Variants in NFE2L2 observed in about 807,000 individuals in gnomAD.
NFE2L2 encodes the protein NFE2 like bZIP transcription factor 2.
Under a neutral mutation model 49.6 loss-of-function variants are expected in NFE2L2, and 20 were observed. The observed-to-expected ratio is 0.40, with a 90% CI of 0.28 to 0.59. The LOEUF is 0.59. NFE2L2 is among the 20% of genes least tolerant of loss of function. The pLI, the probability that NFE2L2 is intolerant of heterozygous loss-of-function variation, is 0.40. For missense variants in NFE2L2, 578 were observed against 714.2 expected, an observed-to-expected ratio of 0.81 and a Z score of 2.17; for synonymous variants, 244 against 256.5, an observed-to-expected ratio of 0.95 and a Z score of 0.47.
At chr2:177,241,332 T>C (rs1390173412) in intron 1 of NFE2L2, among the ~76,000 whole-genome samples, 1 of 152,204 alleles carries the variant, frequency 6.6e-6, no homozygotes, top group Non-Finnish European at 1.5e-5. Flanking sequence ...TTACACTTGA[T>C]TATATTTTTC....
chr2:177,237,412 T>A (rs1464121292), intron 1 of NFE2L2, among the ~76,000 whole-genome samples: 3 of 152,238 alleles, frequency 2.0e-5, no homozygotes, highest in Admixed American at 6.5e-5. Flanking sequence ...AAAATAGGTA[T>A]GAGAATAATT....
At chr2:177,256,499 CAAAAAAA>C (rs35073132) in intron 1 of NFE2L2, among the ~76,000 whole-genome samples, 29 of 75,094 alleles carry the variant, frequency 3.9e-4, no homozygotes, top group African/African-American at 1.2e-3. Context: ...TACATTCTTG[CAAAAAAA>C]AAAAAAAAAA....
intron 1 of NFE2L2, among the ~76,000 whole-genome samples, chr2:177,236,093 G>A (rs896384947): frequency 1.3e-5 from 2 of 152,232 alleles, no homozygotes; most frequent in Admixed American, 6.5e-5. Flanking sequence ...GTGTAGACAC[G>A]TCACACTTTG....
At chr2:177,259,729 G>A (rs924471548) in intron 1 of NFE2L2, among the ~76,000 whole-genome samples, 6 of 152,042 alleles carry the variant, frequency 3.9e-5, no homozygotes, top group South Asian at 2.1e-4. Context: ...TCAGGAGATC[G>A]AGATCATCCT....
intron 1 of NFE2L2, among the ~76,000 whole-genome samples, chr2:177,245,140 T>C (rs1468688688): frequency 2.0e-5 from 3 of 152,036 alleles, no homozygotes; most frequent in Admixed American, 6.6e-5. Flanking sequence ...AGGAAAATTC[T>C]CATACATAAA....
intron 1 of NFE2L2, among the ~76,000 whole-genome samples, chr2:177,261,186 CA>C (rs1690725597): frequency 9.9e-6 from 1 of 100,542 alleles, no homozygotes; most frequent in Non-Finnish European, 2.2e-5. Flanking sequence ...AAAAAAAAAA[CA>C]AAAAACAAAA....
At chr2:177,263,985 G>A in intron 1 of NFE2L2, 3 of 977,270 alleles carry the variant, frequency 3.1e-6, no homozygotes, top group Non-Finnish European at 3.6e-6. Flanking sequence ...GCGCGTCGCA[G>A]CCCGCACTCA....
intron 1 of NFE2L2, among the ~76,000 whole-genome samples, chr2:177,236,715 GC>G (rs1343163904): frequency 6.6e-6 from 1 of 152,102 alleles, no homozygotes; most frequent in Non-Finnish European, 1.5e-5. Flanking sequence ...AATAACCTAT[GC>G]ATATCCCTTT....
chr2:177,256,715 C>G (rs1196052069), intron 1 of NFE2L2, among the ~76,000 whole-genome samples: 2 of 152,146 alleles, frequency 1.3e-5, no homozygotes, highest in Non-Finnish European at 2.9e-5. Context: ...ATTAGAAAAG[C>G]ATGCTTCCAG....
chr2:177,232,273 T>C (rs1689580507), intron 4 of NFE2L2, 119 bp downstream of exon 4: 1 of 1,066,892 alleles, frequency 9.4e-7, no homozygotes, highest in Non-Finnish European at 1.3e-6. Flanking sequence ...GCAGTACTCA[T>C]GACTAAGTTA....
At chr2:177,247,089 T>C (rs1306942216) in intron 1 of NFE2L2, among the ~76,000 whole-genome samples, 1 of 152,180 alleles carries the variant, frequency 6.6e-6, no homozygotes, top group Non-Finnish European at 1.5e-5. Context: ...ATCCCTAAGA[T>C]AAATACTTAA....
chr2:177,232,241 C>G, intron 4 of NFE2L2, 151 bp downstream of exon 4: 1 of 932,330 alleles, frequency 1.1e-6, no homozygotes, highest in African/African-American at 1.7e-5. Flanking sequence ...CTCAAGATGT[C>G]CAACCAATTT....
intron 1 of NFE2L2, among the ~76,000 whole-genome samples, chr2:177,240,858 T>C (rs973355862): frequency 4.0e-4 from 61 of 152,300 alleles, no homozygotes; most frequent in Admixed American, 3.7e-3. Context: ...TTGGAAAAGA[T>C]AAAGCAAAGA....
At chr2:177,251,534 A>G (rs72944931) in intron 1 of NFE2L2, among the ~76,000 whole-genome samples, 1,918 of 152,262 alleles carry the variant, frequency 0.013, 22 homozygotes, top group Non-Finnish European at 0.019. Flanking sequence ...AGCCGGGGCA[A>G]CGTGTGGGGC....
At chr2:177,260,551 C>CTT (rs748234127) in intron 1 of NFE2L2, among the ~76,000 whole-genome samples, 1 of 152,194 alleles carries the variant, frequency 6.6e-6, no homozygotes, top group Non-Finnish European at 1.5e-5. Flanking sequence ...AGTGCCAAAA[C>CTT]ATGAGATTAG....
rs1045829171 is a variant in NFE2L2, at chr2:177,231,022, T to G, written c.1581A>C (p.Gln527His). Residue 527 changes from glutamine to histidine, a missense_variant, in exon 5 of 5, where the codon CAA becomes CAC. Transcript: ENST00000397062. ...TTTCATCTTTCAAATGATCTAAATC[T>G]TGCTCTAGTTCTACTATATTTTCCA... is the stretch of plus-strand genomic sequence containing the variant. ...RKLENIVELEQDLDHLKDEKE... is the reference protein window; with the variant it reads ...RKLENIVELEHDLDHLKDEKE... 1 of 1,612,850 alleles carries G rather than the reference T, an allele frequency of 6.2e-7. No homozygotes were observed. The highest frequency in any genetic ancestry group is 8.5e-7 in the Non-Finnish European group (1 of 1,179,796).
Position 177,231,548 on chromosome 2 carries a change from G to A in NFE2L2, c.1055C>T (p.Pro352Leu), listed in dbSNP as rs1343137635. 2 of 1,614,172 alleles carry A rather than the reference G, an allele frequency of 1.2e-6. No individual in the cohort carries two copies. The highest frequency in any genetic ancestry group is 1.7e-5 in the Admixed American group (1 of 60,012). The change falls in exon 5 of 5, where the codon CCC (proline) becomes CTC (leucine). Residue 352 changes from proline (P) to leucine (L), a missense_variant. Physicochemically the swap from Pro to Leu is moderately conservative, Grantham distance 98. Coordinates refer to ENST00000397062, the MANE Select transcript of NFE2L2 (RefSeq NM_006164.5). ...TGAGTGTTCTGGTGATGCCACACTG[G>A]GACTTGTGTTTAGTGAAATGCCGGA... is the stretch of plus-strand genomic sequence containing the variant. ...SDSGISLNTS[P>L]SVASPEHSVE... is the part of the protein sequence containing the mutation.
intron 1 of NFE2L2, among the ~76,000 whole-genome samples, chr2:177,256,733 A>T (rs952075460): frequency 6.6e-6 from 1 of 152,194 alleles, no homozygotes; most frequent in African/African-American, 2.4e-5. Flanking sequence ...CAGAAAGGTG[A>T]CTAAATACAC....
At chr2:177,239,000 A>G (rs188555073) in intron 1 of NFE2L2, among the ~76,000 whole-genome samples, 1 of 152,350 alleles carries the variant, frequency 6.6e-6, no homozygotes, top group Admixed American at 6.5e-5. Context: ...ACATACACAC[A>G]CACACATTCA....
Sources: allele counts gnomAD v4.1 joint callset (sites outside exome capture counted in the v4.1 genomes callset), GRCh38; gene constraint gnomAD v4.1.1; transcripts MANE v1.5; gene names NCBI Gene and HGNC (gene_info 2026-07-23, HGNC 2026-07-21).